Variants in WNK1 observed in about 807,000 individuals in gnomAD.
WNK1 encodes serine/threonine-protein kinase WNK1.
WNK1 carries 38 observed loss-of-function variants against 222.8 expected under a neutral mutation model. The ratio of observed to expected loss-of-function variants is 0.17; its 90% CI spans 0.13 to 0.22. WNK1 has a LOEUF of 0.22. Ranked by LOEUF, WNK1 falls within the 10% of genes least tolerant of loss-of-function variation. WNK1 has a pLI of 1.00. For missense variants in WNK1, 2,348 were observed against 2,918.4 expected (o/e 0.80, Z 4.50); for synonymous variants, 1,090 against 1,092.9 (o/e 1.00, Z 0.05).
chr12:776,418 G>GTT (rs1943101918), intron 1 of WNK1, among the ~76,000 whole-genome samples: 1 of 149,156 alleles, frequency 6.7e-6, no homozygotes, highest in South Asian at 2.1e-4. Flanking sequence ...GTGTTTGTGT[G>GTT]TGTGTGTGTG....
intron 8 of WNK1, among the ~76,000 whole-genome samples, chr12:864,235 G>A (rs1442697249): frequency 6.6e-6 from 1 of 151,330 alleles, no homozygotes; most frequent in Non-Finnish European, 1.5e-5. Flanking sequence ...AGCCTCCCCA[G>A]TAGCTAAGAT....
At chr12:864,743 T>C (rs1254851566) in intron 8 of WNK1, among the ~76,000 whole-genome samples, 1 of 152,240 alleles carries the variant, frequency 6.6e-6, no homozygotes. Context: ...ATCTTAAGTT[T>C]GCCAAAGTTG....
At chr12:883,961 G>A (rs1220269110) in intron 17 of WNK1, 130 bp downstream of exon 17, 1 of 1,479,926 alleles carries the variant, frequency 6.8e-7, no homozygotes, top group Non-Finnish European at 9.3e-7. Flanking sequence ...CCAGGAGGCG[G>A]AGGTTGCAGT....
intron 1 of WNK1, among the ~76,000 whole-genome samples, chr12:804,701 C>G (rs1407188773): frequency 6.6e-6 from 1 of 152,034 alleles, no homozygotes; most frequent in Non-Finnish European, 1.5e-5. Flanking sequence ...CTCTTAAAAA[C>G]TGAGTCCCCA....
intron 9 of WNK1, among the ~76,000 whole-genome samples, chr12:876,265 C>G (rs1049652938): frequency 1.8e-4 from 28 of 151,998 alleles, no homozygotes; most frequent in Non-Finnish European, 4.0e-4. Flanking sequence ...AAAAATTAGC[C>G]GGGCGTGGTG....
chr12:866,992 G>A lies in WNK1; in HGVS notation c.2140-4273G>A, dbSNP rs190740501. On this transcript the variant is annotated intron_variant, in intron 8 of 27. Coordinates refer to ENST00000315939, the MANE Select transcript of WNK1 (RefSeq NM_018979.4). ...ACAAAAATTAGCTGGGCGTGGTGGC[G>A]CACGCGTGTAGTCCCAGCTACTTGG... is the stretch of plus-strand genomic sequence containing the variant. Among the ~76,000 whole-genome samples, 18 of 152,132 alleles carry A rather than the reference G, an allele frequency of 1.2e-4. No homozygotes were observed. In the East Asian group the frequency reaches 2.7e-3, roughly 23 times the overall value.
At chr12:754,666 A>G (rs1939710187) in intron 1 of WNK1, among the ~76,000 whole-genome samples, 1 of 152,182 alleles carries the variant, frequency 6.6e-6, no homozygotes, top group Non-Finnish European at 1.5e-5. Flanking sequence ...TGTGCATTTC[A>G]ATCTCATCAA....
chr12:785,753 C>T (rs1042824053), intron 1 of WNK1, among the ~76,000 whole-genome samples: 8 of 152,076 alleles, frequency 5.3e-5, no homozygotes, highest in African/African-American at 1.9e-4. Context: ...TTTAGTTGCT[C>T]TTTAATTTTA....
chr12:880,691 T>C, intron 11 of WNK1, 30 bp from the exon 12 acceptor site: 1 of 1,612,576 alleles, frequency 6.2e-7, no homozygotes, highest in Non-Finnish European at 8.5e-7. Context: ...CCCAACCTGC[T>C]CTAACTCACC....
chr12:883,108 A>G (rs774470499), intron 15 of WNK1, 49 bp downstream of exon 15: 9 of 1,313,006 alleles, frequency 6.9e-6, no homozygotes, highest in Admixed American at 6.7e-5. Context: ...CTTGATCTTA[A>G]TAGCCATTGC....
At chr12:888,990 A>G in intron 20 of WNK1, 150 bp from the exon 21 acceptor site, 1 of 725,976 alleles carries the variant, frequency 1.4e-6, no homozygotes, top group Non-Finnish European at 2.5e-6. Flanking sequence ...CAGTACACTA[A>G]ATTTGAGTAT....
At chr12:839,706 T>G (rs1949470270) in intron 4 of WNK1, among the ~76,000 whole-genome samples, 1 of 152,044 alleles carries the variant, frequency 6.6e-6, no homozygotes, top group Non-Finnish European at 1.5e-5. Context: ...ATATATTTTA[T>G]TTACTAACTT....
intron 4 of WNK1, among the ~76,000 whole-genome samples, chr12:835,331 C>G (rs780982027): frequency 1.3e-5 from 2 of 151,882 alleles, no homozygotes; most frequent in South Asian, 2.1e-4. Context: ...GAGTGAAAGC[C>G]TGTCTTAAAA....
chr12:855,933 G>A (rs1176041171), intron 4 of WNK1, among the ~76,000 whole-genome samples: 8 of 151,650 alleles, frequency 5.3e-5, no homozygotes, highest in African/African-American at 1.9e-4. Flanking sequence ...TCTGCCTCCC[G>A]GGTTCAAGAG....
chr12:857,705 C>G (rs977983400), intron 5 of WNK1, among the ~76,000 whole-genome samples: 1 of 152,152 alleles, frequency 6.6e-6, no homozygotes, highest in Non-Finnish European at 1.5e-5. Flanking sequence ...ATCAAAATTC[C>G]TTGAGTAAAA....
rs372936466 is a variant in WNK1, at chr12:864,110, G to GTTTTTTTTTTTTTTTTTT, written c.2139+1857_2139+1858insTTTTTTTTTTTTTTTTTT. 6.7e-4 allele frequency among the ~76,000 whole-genome samples: 83 copies of GTTTTTTTTTTTTTTTTTT among 124,572 alleles called. 2 individuals are homozygous for GTTTTTTTTTTTTTTTTTT. Among genetic ancestry groups the GTTTTTTTTTTTTTTTTTT allele is most frequent in the Middle Eastern group, 4.5e-3 (1 of 224 alleles). The allele number at this position is 124,572 out of a possible 152,430, so 81.7% of individuals were successfully genotyped here. A position where few individuals can be genotyped will look rare whatever the true frequency, so the allele number is the denominator to read the frequency against. On this transcript the variant is annotated intron_variant, in intron 8 of 27. Transcript: ENST00000315939. ...ACCCTGTGCCTGAACATTTTTTTAA[G>GTTTTTTTTTTTTTTTTTT]TTTTTTTTTTTTTTTTTGACAGCGT...
intron 4 of WNK1, among the ~76,000 whole-genome samples, chr12:848,159 C>T (rs546561257): frequency 6.6e-6 from 1 of 152,270 alleles, no homozygotes; most frequent in South Asian, 2.1e-4. Context: ...GTTATTTGAA[C>T]AAGGAAGGAC....
At chr12:813,140 G>A (rs910245283) in intron 1 of WNK1, among the ~76,000 whole-genome samples, 8 of 152,120 alleles carry the variant, frequency 5.3e-5, no homozygotes, top group Non-Finnish European at 8.8e-5. Flanking sequence ...AGGCTGAGGT[G>A]GGAGGATCCC....
intron 4 of WNK1, chr12:851,573 C>T (rs1950422041): frequency 6.7e-6 from 8 of 1,193,444 alleles, no homozygotes; most frequent in Non-Finnish European, 8.5e-6. Context: ...TAGTGTTAAA[C>T]AAGAAACTGT....
Sources: allele counts gnomAD v4.1 joint callset (sites outside exome capture counted in the v4.1 genomes callset), GRCh38; gene constraint gnomAD v4.1.1; transcripts MANE v1.5; gene names NCBI Gene and HGNC (gene_info 2026-07-23, HGNC 2026-07-21).